Variants in ZNF385A observed in about 807,000 individuals in gnomAD.
ZNF385A encodes the protein hematopoietic zinc finger protein.
A neutral mutation model predicts 32.1 loss-of-function variants in ZNF385A; 14 were observed. The ratio of observed to expected loss-of-function variants is 0.44; its 90% confidence interval spans 0.29 to 0.68. ZNF385A has a LOEUF of 0.68. Among genes scored for constraint, ZNF385A ranks in the 30% least tolerant of loss-of-function variants. ZNF385A has a pLI of 0.14. For synonymous variants in ZNF385A, 197 were observed against 202.7 expected, an observed-to-expected ratio of 0.97 and a Z score of 0.24; for missense variants, 406 against 478.4, an observed-to-expected ratio of 0.85 and a Z score of 1.41.
rs1489845678 is a variant in ZNF385A at position 54,384,460 on chromosome 12, G to A, written c.55C>T (p.Pro19Ser). The change falls in exon 1 of 7, where the codon CCT becomes TCT. Residue 19 changes from proline (P) to serine (S), a missense_variant. Pro to Ser is a moderately conservative substitution (Grantham distance 74). Coordinates refer to ENST00000394313, the MANE Select transcript of ZNF385A (RefSeq NM_015481.3). Reference sequence around the variant, plus strand: ...TAGTTGCTGAAGAGGCCAAGGGTAGGGGCTGGCTCGAGTGGGAAGGGCAGG... The same window carrying A: ...TAGTTGCTGAAGAGGCCAAGGGTAGAGGCTGGCTCGAGTGGGAAGGGCAGG... ...QILPFPLEPA[P>S]TLGLFSNYST... The A allele has an allele frequency of 6.3e-6, 10 of 1,591,742 alleles. No homozygotes were observed. The highest frequency in any genetic ancestry group is 6.0e-6 in the Non-Finnish European group (7 of 1,169,740).
At chr12:54,389,267 C>T (rs1320243369), upstream of ZNF385A, among the ~76,000 whole-genome samples, 3 of 152,212 alleles carry the variant, frequency 2.0e-5, no homozygotes, top group Non-Finnish European at 4.4e-5. Flanking sequence ...TAGGGTCCCT[C>T]CACGGCTACC....
chr12:54,386,296 G>A (rs1246191547), upstream of ZNF385A, among the ~76,000 whole-genome samples: 2 of 152,096 alleles, frequency 1.3e-5, no homozygotes, highest in Admixed American at 1.3e-4. Context: ...CAGTGACACT[G>A]AGAGAGAAAA....
rs548434677 is a variant in ZNF385A, at chr12:54,370,104, C to T, written c.*152G>A. On this transcript the variant is annotated 3_prime_UTR_variant, in exon 7 of 7. Coordinates refer to ENST00000394313, the MANE Select transcript of ZNF385A (RefSeq NM_015481.3). The surrounding 1 kb of genome is among the most constrained non-coding windows in gnomAD (Gnocchi z 5.5). ...TTCTGAAGCCCCCCTCCCCCGCTAC[C>T]CCTCCCCTTTCCTGGAACCCCGTAT... The T allele has an allele frequency of 2.6e-5, 16 of 621,040 alleles. No homozygotes were observed. The South Asian group carries it at 5.8e-4, about 22-fold the overall frequency. 38.5% of individuals were successfully genotyped at this position (621,040 alleles called of 1,614,324 possible). A position where few individuals can be genotyped will look rare whatever the true frequency, so the allele number is the denominator to read the frequency against.
intron 1 of ZNF385A, chr12:54,379,352 A>T (rs1955017807): frequency 3.9e-6 from 1 of 254,638 alleles, no homozygotes; most frequent in South Asian, 1.4e-4. Context: ...GATGTCCATT[A>T]TCCAGACACT....
intron 1 of ZNF385A, among the ~76,000 whole-genome samples, chr12:54,378,132 C>T (rs1954939134): frequency 6.6e-6 from 1 of 152,158 alleles, no homozygotes; most frequent in Admixed American, 6.5e-5. Flanking sequence ...AAGAGGGCAG[C>T]AGTGGAGTCA....
At chr12:54,382,842 T>TA (rs545274226) in intron 1 of ZNF385A, among the ~76,000 whole-genome samples, 151 of 151,384 alleles carry the variant, frequency 1.0e-3, no homozygotes, top group African/African-American at 3.4e-3. Flanking sequence ...CTTTTTTTTT[T>TA]AAAAAAAATA....
At chr12:54,388,696 C>T (rs752193348), upstream of ZNF385A, among the ~76,000 whole-genome samples, 5 of 152,162 alleles carry the variant, frequency 3.3e-5, no homozygotes, top group Non-Finnish European at 7.3e-5. Context: ...TAGACTTGGG[C>T]CACAGGAGAA....
In ZNF385A at chr12:54,370,998, G is replaced by A. The variant is rs745632022; in HGVS notation, c.703C>T (p.Pro235Ser). Residue 235 changes from proline to serine, a missense_variant, in exon 5 of 7, where the codon CCT (proline) becomes TCT (serine). Transcript: ENST00000394313. This position sits in a 1 kb window ranked among gnomAD's most constrained non-coding sequence, Gnocchi z 5.5. ...CAGTGGAAAGTTCGGTCCTGGGCAG[G>A]AGCCTCTGGTTCCCCCGGGGTGGGA... is the stretch of plus-strand genomic sequence containing the variant. ...GPPTPGEPEA[P>S]AQDRTFHCEI... 13 of 1,614,068 alleles carry A rather than the reference G, an allele frequency of 8.1e-6. No individual in the cohort carries two copies. In the African/African-American group the frequency reaches 1.3e-4, roughly 17 times the overall value.
In ZNF385A at chr12:54,370,335, G is replaced by C; in HGVS notation, c.1022C>G (p.Pro341Arg). Residue 341 changes from proline (P) to arginine (R), a missense_variant, in exon 7 of 7, where the codon CCG becomes CGG. Pro to Arg is a moderately radical substitution (Grantham distance 103). Transcript: ENST00000394313. The surrounding 1 kb of genome is among the most constrained non-coding windows in gnomAD (Gnocchi z 5.5). ...CGGGTGAAGCAGAGGGTGAGTGATC[G>C]GCGGTCCCTGGAGAAGAGGTGCGGC... ...APAAPLLQGP[P>R]ITHPLLHPAP... 1.3e-6 allele frequency: 2 copies of C among 1,498,082 alleles called. No individual in the cohort carries two copies. The highest frequency in any genetic ancestry group is 1.8e-6 in the Non-Finnish European group (2 of 1,122,740). 92.8% of individuals were successfully genotyped at this position (1,498,082 alleles called of 1,614,324 possible).
chr12:54,370,695 G>T lies in ZNF385A; in HGVS notation c.801C>A (p.Asp267Glu), dbSNP rs779006248. 1.9e-6 allele frequency: 3 copies of T among 1,599,878 alleles called. No individual in the cohort carries two copies. Among genetic ancestry groups the T allele is most frequent in the Non-Finnish European group, 2.6e-6 (3 of 1,175,290 alleles). The stretch of plus-strand genomic sequence containing the variant: ...GTGGGTTGGGCTTCCCGGCCACGCC[G>T]TCTCGGTGCCGCCGGCTGGAGATGT... ...KQHISSRRHR[D>E]GVAGKPNPLL... The change falls in exon 6 of 7, where the codon GAC (aspartate) becomes GAA (glutamate). Residue 267 changes from aspartate to glutamate, a missense_variant. Transcript: ENST00000394313. This position sits in a 1 kb window ranked among gnomAD's most constrained non-coding sequence, Gnocchi z 5.5.
In ZNF385A at chr12:54,384,592, G is replaced by C. The variant is rs888438093; in HGVS notation, c.-78C>G. ...GAAGGGCAGAGAAAACATTCTGTGG[G>C]GTAGGAAGATTAAAGCTTGGGAACC... On this transcript the variant is annotated 5_prime_UTR_variant, in exon 1 of 7. Transcript: ENST00000394313. The C allele has an allele frequency of 5.6e-6, 8 of 1,433,484 alleles. No individual in the cohort carries two copies. The East Asian group carries it at 2.2e-4, about 39-fold the overall frequency. The allele number at this position is 1,433,484 out of a possible 1,614,324, so 88.8% of individuals were successfully genotyped here. A position where few individuals can be genotyped will look rare whatever the true frequency, so the allele number is the denominator to read the frequency against.
chr12:54,371,754 G>A (rs780735367), intron 3 of ZNF385A, 39 bp from the exon 4 acceptor site: 17 of 1,607,192 alleles, frequency 1.1e-5, no homozygotes, highest in Non-Finnish European at 1.4e-5. Context: ...ACCCTAGATG[G>A]CTCTTGGAGA....
chr12:54,386,209 C>CACACAG (rs1555162842), upstream of ZNF385A, among the ~76,000 whole-genome samples: 285 of 139,856 alleles, frequency 2.0e-3, 26 homozygotes, highest in South Asian at 0.016. Flanking sequence ...CACACACACA[C>CACACAG]AGAGAGACGG....
chr12:54,388,046 AGTGTGTGTGT>A (rs10665764), upstream of ZNF385A, among the ~76,000 whole-genome samples: 3,339 of 140,518 alleles, frequency 0.024, 130 homozygotes, highest in African/African-American at 0.081. Context: ...AGTGTGTGTA[AGTGTGTGTGT>A]GTGTGTGTGT....
chr12:54,391,281 T>G (rs1327942891), exon 1 of ZNF385A: 3 of 1,095,478 alleles, frequency 2.7e-6, no homozygotes, highest in Non-Finnish European at 3.4e-6. Context: ...CGCGTCGCTC[T>G]GTCCCGGGGG....
chr12:54,382,000 TCC>T (rs1955206036), intron 1 of ZNF385A, among the ~76,000 whole-genome samples: 1 of 152,078 alleles, frequency 6.6e-6, no homozygotes, highest in African/African-American at 2.4e-5. Context: ...GAGTCCCGTG[TCC>T]CTGACACCAG....
upstream of ZNF385A, among the ~76,000 whole-genome samples, chr12:54,388,123 G>T (rs954861734): frequency 3.1e-4 from 47 of 151,278 alleles, no homozygotes; most frequent in African/African-American, 1.1e-3. Context: ...CTGAGGCCTG[G>T]CTGGGGCAGG....
At chr12:54,385,981 G>A (rs1477577499), upstream of ZNF385A, among the ~76,000 whole-genome samples, 1 of 152,088 alleles carries the variant, frequency 6.6e-6, no homozygotes, top group Admixed American at 6.5e-5. Context: ...TTCACCCCAT[G>A]CCAGGATGGG....
At chr12:54,388,084 G>GTGTGTGT (rs1955542958), upstream of ZNF385A, among the ~76,000 whole-genome samples, 1 of 115,872 alleles carries the variant, frequency 8.6e-6, no homozygotes, top group Non-Finnish European at 1.9e-5. Flanking sequence ...TGTGTGTGTG[G>GTGTGTGT]CACCCATGTC....
Sources: gnomAD v4.1 joint callset for allele counts (sites outside exome capture counted in the v4.1 genomes callset) on GRCh38, gnomAD v4.1.1 for gene constraint, Gnocchi (gnomAD v3.1) non-coding constraint, MANE v1.5 for transcripts, NCBI Gene and HGNC (gene_info 2026-07-23, HGNC 2026-07-21) for gene names.